Variants in NDST4 observed in about 807,000 individuals in gnomAD.
The protein encoded by NDST4 is N-heparan sulfate sulfotransferase 4.
Under a neutral mutation model 100.8 loss-of-function variants are expected in NDST4, and 63 were observed. The ratio of observed to expected loss-of-function variants is 0.62; its 90% CI spans 0.51 to 0.77. The LOEUF is 0.77. Ranked by LOEUF, NDST4 falls within the 30% of genes least tolerant of loss-of-function variation. NDST4 has a pLI of 0.00. For missense variants in NDST4, 943 were observed against 1,018.4 expected (o/e 0.93, Z 1.01); for synonymous variants, 377 against 361.8 (o/e 1.04, Z -0.48).
At chr4:114,835,354 C>A (rs1276869682) in intron 11 of NDST4, among the ~76,000 whole-genome samples, 1 of 152,102 alleles carries the variant, frequency 6.6e-6, no homozygotes, top group Non-Finnish European at 1.5e-5. Flanking sequence ...TTCTTTATTT[C>A]TGCTTTAATT....
At chr4:114,957,771 T>C (rs903228020) in intron 4 of NDST4, among the ~76,000 whole-genome samples, 2 of 152,084 alleles carry the variant, frequency 1.3e-5, no homozygotes, top group Non-Finnish European at 2.9e-5. Context: ...ATGGGAGAAA[T>C]TGGCCAAAAC....
At chr4:115,105,937 A>G (rs1254977737) in intron 1 of NDST4, among the ~76,000 whole-genome samples, 1 of 152,100 alleles carries the variant, frequency 6.6e-6, no homozygotes, top group Admixed American at 6.6e-5. Context: ...TTACTCATAT[A>G]GCATAGTTGC....
chr4:115,012,180 A>G (rs756214210), intron 2 of NDST4, among the ~76,000 whole-genome samples: 7 of 152,018 alleles, frequency 4.6e-5, no homozygotes, highest in Non-Finnish European at 8.8e-5. Flanking sequence ...ATCCCATCAT[A>G]AAACAAATGA....
chr4:114,897,947 T>C (rs1724751634), intron 6 of NDST4, among the ~76,000 whole-genome samples: 2 of 152,206 alleles, frequency 1.3e-5, no homozygotes, highest in Non-Finnish European at 2.9e-5. Flanking sequence ...ATCTTTGTAA[T>C]AGGTAACAGT....
At chr4:115,011,327 C>T (rs1167386207) in intron 2 of NDST4, among the ~76,000 whole-genome samples, 1 of 152,034 alleles carries the variant, frequency 6.6e-6, no homozygotes, top group Non-Finnish European at 1.5e-5. Context: ...TATATTTCTA[C>T]AGTCTGAGAA....
intron 6 of NDST4, among the ~76,000 whole-genome samples, chr4:114,883,298 T>C (rs943170879): frequency 5.3e-5 from 8 of 152,038 alleles, no homozygotes; most frequent in Admixed American, 3.3e-4. Context: ...AGAAATGTCA[T>C]AAGAAATAAC....
intron 6 of NDST4, among the ~76,000 whole-genome samples, chr4:114,906,095 CTA>C (rs945642391): frequency 3.3e-5 from 5 of 151,772 alleles, no homozygotes; most frequent in Non-Finnish European, 7.4e-5. Context: ...ATCAATTTTT[CTA>C]TGAGTCATAA....
chr4:115,046,068 G>T (rs950251469), intron 2 of NDST4, among the ~76,000 whole-genome samples: 1 of 152,072 alleles, frequency 6.6e-6, no homozygotes, highest in Non-Finnish European at 1.5e-5. Flanking sequence ...GGCCAAACAG[G>T]AGCGTTATTG....
At chr4:115,038,583 T>C (rs1728283104) in intron 2 of NDST4, among the ~76,000 whole-genome samples, 1 of 152,208 alleles carries the variant, frequency 6.6e-6, no homozygotes, top group African/African-American at 2.4e-5. Flanking sequence ...ATTGTGCATT[T>C]GTAAAATGAC....
intron 2 of NDST4, among the ~76,000 whole-genome samples, chr4:115,056,408 G>T (rs1273442988): frequency 6.6e-6 from 1 of 152,102 alleles, no homozygotes; most frequent in Non-Finnish European, 1.5e-5. Context: ...AAAATTACTT[G>T]TAATCATGTA....
intron 2 of NDST4, among the ~76,000 whole-genome samples, chr4:115,075,519 G>A (rs1003382522): frequency 2.6e-5 from 4 of 152,182 alleles, no homozygotes; most frequent in Non-Finnish European, 5.9e-5. Flanking sequence ...GGGTGCAGTG[G>A]CTCACGCCTG....
intron 6 of NDST4, among the ~76,000 whole-genome samples, chr4:114,890,427 T>C (rs1158722566): frequency 1.3e-5 from 2 of 152,100 alleles, no homozygotes; most frequent in Admixed American, 6.6e-5. Flanking sequence ...GCATATAGAA[T>C]TGCCTTACTC....
intron 4 of NDST4, among the ~76,000 whole-genome samples, chr4:114,942,629 A>G (rs1725774095): frequency 6.6e-6 from 1 of 152,116 alleles, no homozygotes; most frequent in African/African-American, 2.4e-5. Flanking sequence ...AGCTTTTGAT[A>G]AGAATGGAAT....
At chr4:115,004,334 T>C (rs1727364701) in intron 2 of NDST4, among the ~76,000 whole-genome samples, 1 of 152,122 alleles carries the variant, frequency 6.6e-6, no homozygotes, top group Non-Finnish European at 1.5e-5. Context: ...AAACAATAAA[T>C]ATATAAGAAT....
chr4:114,938,319 C>T (rs966479158), intron 4 of NDST4, among the ~76,000 whole-genome samples: 52 of 152,258 alleles, frequency 3.4e-4, no homozygotes, highest in African/African-American at 1.2e-3. Flanking sequence ...ATAAATCTTA[C>T]ACTTCACTAT....
At chr4:115,032,415 C>A (rs1728134730) in intron 2 of NDST4, among the ~76,000 whole-genome samples, 1 of 151,998 alleles carries the variant, frequency 6.6e-6, no homozygotes, top group Non-Finnish European at 1.5e-5. Flanking sequence ...AGCTTAATTA[C>A]ATAAAATTAT....
intron 6 of NDST4, among the ~76,000 whole-genome samples, chr4:114,926,946 C>A (rs1041198305): frequency 5.9e-5 from 9 of 152,038 alleles, no homozygotes; most frequent in African/African-American, 2.2e-4. Context: ...TCATAGGATG[C>A]TTACATACAT....
intron 2 of NDST4, among the ~76,000 whole-genome samples, chr4:115,052,637 T>C (rs929864694): frequency 6.6e-6 from 1 of 152,148 alleles, no homozygotes; most frequent in Non-Finnish European, 1.5e-5. Flanking sequence ...TTGCTCCTTA[T>C]TTGCCTTCTT....
At chr4:114,857,960 C>T (rs1026469583) in intron 7 of NDST4, among the ~76,000 whole-genome samples, 1 of 152,040 alleles carries the variant, frequency 6.6e-6, no homozygotes, top group African/African-American at 2.4e-5. Context: ...GAGGCCCTGA[C>T]AACCAAGAGA....
Sources: allele counts gnomAD v4.1 joint callset (sites outside exome capture counted in the v4.1 genomes callset), GRCh38; gene constraint gnomAD v4.1.1; transcripts MANE v1.5; gene names NCBI Gene and HGNC (gene_info 2026-07-23, HGNC 2026-07-21).